TTC8: variants seen among roughly 807,000 people sequenced by gnomAD.
TTC8 encodes the protein tetratricopeptide repeat protein 8.
TTC8 carries 47 observed loss-of-function variants against 72.5 expected under a neutral mutation model. The ratio of observed to expected loss-of-function variants is 0.65; its 90% CI spans 0.51 to 0.83. TTC8 has a LOEUF of 0.83. Among genes scored for constraint, TTC8 ranks in the 40% least tolerant of loss-of-function variants. TTC8 has a pLI of 0.00. For missense variants in TTC8, 611 were observed against 623.2 expected, an observed-to-expected ratio of 0.98 and a Z score of 0.21; for synonymous variants, 199 against 221.4, an observed-to-expected ratio of 0.90 and a Z score of 0.90.
intron 7 of TTC8, among the ~76,000 whole-genome samples, chr14:88,850,440 G>A (rs1214306101): frequency 6.6e-6 from 1 of 152,172 alleles, no homozygotes. Flanking sequence ...TGTAATCCCA[G>A]CACTTTGGGA....
chr14:88,870,757 C>G (rs1034127282), intron 11 of TTC8, among the ~76,000 whole-genome samples: 1 of 152,160 alleles, frequency 6.6e-6, no homozygotes, highest in African/African-American at 2.4e-5. Context: ...ATGATTTCCT[C>G]CTTAGCCCTT....
chr14:88,866,779 A>G (rs935021096), intron 10 of TTC8, among the ~76,000 whole-genome samples: 8 of 152,300 alleles, frequency 5.3e-5, no homozygotes, highest in African/African-American at 1.9e-4. Context: ...GTCAGTGCCC[A>G]GGGATTCTTG....
rs74776655 is a variant in TTC8, at chr14:88,853,644, C to T, written c.710+588C>T. ...ACAAGAATTTGAGCTCCCTTTCTGACGCCAATTCTCTTGCTGTTTCCACAA... is the reference window on the plus strand; with the variant it reads ...ACAAGAATTTGAGCTCCCTTTCTGATGCCAATTCTCTTGCTGTTTCCACAA... On this transcript the variant is annotated intron_variant, in intron 8 of 14. Transcript: ENST00000380656. Among the ~76,000 whole-genome samples, 222 of 152,286 alleles carry T rather than the reference C, an allele frequency of 1.5e-3. 1 individual carries two copies. In the East Asian group the frequency reaches 0.036, roughly 25 times the overall value.
Position 88,824,779 on chromosome 14 carries a change from C to G in TTC8, c.72C>G (p.Ala24=), listed in dbSNP as rs768955288. The G allele has an allele frequency of 1.2e-6, 2 of 1,613,372 alleles. No homozygotes were observed. The highest frequency in any genetic ancestry group is 1.7e-6 in the Non-Finnish European group (2 of 1,179,756). The part of the protein sequence containing the change: ...YFRRRKFQLC[A]DLCTQMLEKS... ...GGCGCAGGAAGTTCCAGCTCTGCGC[C>G]GATCTATGCACGCAGATGCTGGAGA... is the stretch of plus-strand genomic sequence containing the variant. Residue 24 remains alanine, a synonymous_variant, in exon 1 of 15, where the codon GCC becomes GCG. Coordinates refer to ENST00000380656, the MANE Select transcript of TTC8 (RefSeq NM_144596.4).
intron 2 of TTC8, chr14:88,837,042 C>A: frequency 3.6e-6 from 1 of 274,992 alleles, no homozygotes; most frequent in Non-Finnish European, 7.3e-6. Context: ...GCTTGGGCAA[C>A]AAGAGCAAAA....
intron 9 of TTC8, among the ~76,000 whole-genome samples, chr14:88,860,883 G>A (rs779527536): frequency 2.0e-5 from 3 of 150,412 alleles, no homozygotes; most frequent in Non-Finnish European, 4.4e-5. Flanking sequence ...AGCTCACTGC[G>A]GCCTTGACCT....
In TTC8 at chr14:88,877,327, C is replaced by T. The variant is rs868647660; in HGVS notation, c.1465C>T (p.Gln489Ter). 9.9e-6 allele frequency: 16 copies of T among 1,613,682 alleles called. No homozygotes were observed. Among genetic ancestry groups the T allele is most frequent in the Admixed American group, 3.3e-5 (2 of 59,988 alleles). The change falls in exon 15 of 15, where the codon CAG becomes TAG. Residue 489 changes from glutamine (Q) to a stop codon, truncating the protein, a stop_gained. Transcript: ENST00000380656. LOFTEE classifies it high-confidence loss of function. ...TCTGCAGAGAAGCTATGTTGCTGCG[C>T]AGAAGTCTGAAGCAGCATTTCCAGA... is the stretch of plus-strand genomic sequence containing the variant. ...GDLQRSYVAA[Q>*]KSEAAFPDHV...
chr14:88,838,314 A>G (rs1657416424), intron 2 of TTC8, among the ~76,000 whole-genome samples: 1 of 152,154 alleles, frequency 6.6e-6, no homozygotes, highest in African/African-American at 2.4e-5. Context: ...CCTTATCAGA[A>G]CCTAGCCTGC....
At chr14:88,839,670 A>G in intron 3 of TTC8, 98 bp downstream of exon 3, 4 of 1,352,498 alleles carry the variant, frequency 3.0e-6, no homozygotes, top group Non-Finnish European at 2.1e-6. Flanking sequence ...TCTACACTTT[A>G]TATATATAAA....
intron 14 of TTC8, 39 bp downstream of exon 14, chr14:88,875,148 C>CT (rs754605896): frequency 9.5e-4 from 1,417 of 1,484,776 alleles, no homozygotes; most frequent in Non-Finnish European, 1.1e-3. Context: ...CTGATCTGTT[C>CT]TTTTTTTTTC....
chr14:88,832,228 G>C (rs983061556), intron 1 of TTC8, among the ~76,000 whole-genome samples: 19 of 152,206 alleles, frequency 1.2e-4, no homozygotes, highest in Admixed American at 6.5e-4. Flanking sequence ...ACTTTCCTCA[G>C]TGAGCAGAAA....
chr14:88,869,349 G>A (rs1439738770), intron 10 of TTC8, among the ~76,000 whole-genome samples: 2 of 152,062 alleles, frequency 1.3e-5, no homozygotes, highest in Non-Finnish European at 2.9e-5. Context: ...TCTAAGCTTG[G>A]TCTTGGTTGC....
chr14:88,857,088 G>T lies in TTC8; in HGVS notation c.711-102G>T, dbSNP rs942156358. 5 of 983,872 alleles carry T rather than the reference G, an allele frequency of 5.1e-6. No individual in the cohort carries two copies. The East Asian group carries it at 1.2e-4, about 24-fold the overall frequency. 60.9% of individuals were successfully genotyped at this position (983,872 alleles called of 1,614,324 possible). A position where few individuals can be genotyped will look rare whatever the true frequency, so the allele number is the denominator to read the frequency against. On this transcript the variant is annotated intron_variant, in intron 8 of 14. Coordinates refer to ENST00000380656, the MANE Select transcript of TTC8 (RefSeq NM_144596.4). ...GTGTATGTGCAACATTACCTTCCTT[G>T]GTATGTGCTTCCTCTTATAATTTGT... is the stretch of plus-strand genomic sequence containing the variant.
chr14:88,855,879 G>T (rs1350921818), intron 8 of TTC8, among the ~76,000 whole-genome samples: 2 of 152,144 alleles, frequency 1.3e-5, no homozygotes, highest in African/African-American at 2.4e-5. Context: ...CCAGGAGTTG[G>T]CAGCCAGCCT....
At chr14:88,876,261 CA>C (rs1171234144) in intron 14 of TTC8, among the ~76,000 whole-genome samples, 12 of 152,088 alleles carry the variant, frequency 7.9e-5, no homozygotes, top group African/African-American at 1.2e-4. Context: ...CTTCTTTAAG[CA>C]AAAGGCTGCA....
chr14:88,865,039 A>G (rs2094904007), intron 10 of TTC8, among the ~76,000 whole-genome samples: 1 of 151,918 alleles, frequency 6.6e-6, no homozygotes, highest in Admixed American at 6.6e-5. Context: ...TGAACTGCTT[A>G]TTGTTCATTG....
At chr14:88,854,469 G>A (rs1015691871) in intron 8 of TTC8, among the ~76,000 whole-genome samples, 2 of 152,122 alleles carry the variant, frequency 1.3e-5, no homozygotes, top group African/African-American at 4.8e-5. Context: ...CTTTCAAATG[G>A]TTTACAATAG....
At chr14:88,844,516 A>T (rs937824952) in intron 7 of TTC8, among the ~76,000 whole-genome samples, 2 of 152,108 alleles carry the variant, frequency 1.3e-5, no homozygotes, top group African/African-American at 4.8e-5. Flanking sequence ...TAGGAAAATA[A>T]AAATGTTTTC....
Position 88,877,378 on chromosome 14 carries a change from A to G in TTC8, c.1516A>G (p.Lys506Glu), listed in dbSNP as rs1456604351. ...PDHVDTQHLI[K>E]QLRQHFAML Reference sequence around the variant, plus strand: ...CCATGTGGACACACAACATTTAATTAAACAATTAAGGCAGCATTTTGCTAT... The same window carrying G: ...CCATGTGGACACACAACATTTAATTGAACAATTAAGGCAGCATTTTGCTAT... The change falls in exon 15 of 15, where the codon AAA (lysine) becomes GAA (glutamate). Residue 506 changes from lysine (K) to glutamate (E), a missense_variant. Transcript: ENST00000380656. 20 of 1,613,580 alleles carry G rather than the reference A, an allele frequency of 1.2e-5. No homozygotes were observed. The highest frequency in any genetic ancestry group is 1.7e-5 in the Non-Finnish European group (20 of 1,179,660).
Sources: allele counts gnomAD v4.1 joint callset (sites outside exome capture counted in the v4.1 genomes callset), GRCh38; gene constraint gnomAD v4.1.1; transcripts MANE v1.5; gene names NCBI Gene and HGNC (gene_info 2026-07-23, HGNC 2026-07-21).